The following CHST8 variants were observed in gnomAD, a reference collection of about 807,000 sequenced individuals.
CHST8 encodes the protein GALNAC-4-ST1.
A neutral mutation model predicts 15.0 loss-of-function variants in CHST8; 10 were observed. The ratio of observed to expected loss-of-function variants is 0.67; its 90% confidence interval spans 0.41 to 1.13. The LOEUF is 1.13. Ranked by LOEUF, CHST8 falls within the 50% of genes most tolerant of loss-of-function variation. The probability of loss-of-function intolerance (pLI) is 0.00; values close to 1 mark genes in which losing one functional copy is unlikely to be tolerated. For missense variants in CHST8, 634 were observed against 608.2 expected, an observed-to-expected ratio of 1.04 and a Z score of -0.45; for synonymous variants, 259 against 256.6, an observed-to-expected ratio of 1.01 and a Z score of -0.09.
intron 3 of CHST8, among the ~76,000 whole-genome samples, chr19:33,758,011 A>C (rs1974637569): frequency 6.6e-6 from 1 of 152,096 alleles, no homozygotes; most frequent in Non-Finnish European, 1.5e-5. Context: ...GACTGCAGCT[A>C]TCCAGACCCT....
intron 2 of CHST8, among the ~76,000 whole-genome samples, chr19:33,679,412 A>G (rs1972856418): frequency 6.6e-6 from 1 of 152,178 alleles, no homozygotes; most frequent in African/African-American, 2.4e-5. Context: ...GGGAACTTTT[A>G]ACCCAAATAA....
At chr19:33,693,012 T>C (rs372733781) in intron 3 of CHST8, among the ~76,000 whole-genome samples, 13 of 150,796 alleles carry the variant, frequency 8.6e-5, no homozygotes, top group East Asian at 5.8e-4. Flanking sequence ...TTCTTTCTTT[T>C]TTTTTTTTTT....
rs151033924 is a variant in CHST8, at chr19:33,722,840, T to C, written c.130+33449T>C. Among the ~76,000 whole-genome samples, 740 of 152,366 alleles carry C rather than the reference T, an allele frequency of 4.9e-3. 8 individuals carry two copies. The highest frequency in any genetic ancestry group is 0.017 in the African/African-American group (693 of 41,590). Reference sequence around the variant, plus strand: ...TTCTCCAGTTAGTCCTGGCTCAGCCTCTGCAGCTGCTGATATGAATACACT... The same window carrying C: ...TTCTCCAGTTAGTCCTGGCTCAGCCCCTGCAGCTGCTGATATGAATACACT... On this transcript the variant is annotated intron_variant, in intron 3 of 4. Coordinates refer to ENST00000650847, the MANE Select transcript of CHST8 (RefSeq NM_001127895.2).
At chr19:33,707,740 A>G (rs547348539) in intron 3 of CHST8, among the ~76,000 whole-genome samples, 60 of 152,270 alleles carry the variant, frequency 3.9e-4, no homozygotes, top group African/African-American at 1.3e-3. Flanking sequence ...TTTTATGCAA[A>G]CCTATGTTTT....
intron 2 of CHST8, among the ~76,000 whole-genome samples, chr19:33,681,689 C>T (rs1486186466): frequency 6.6e-6 from 1 of 152,134 alleles, no homozygotes; most frequent in East Asian, 1.9e-4. Flanking sequence ...AACTCATCTA[C>T]AGCAGGTATT....
intron 3 of CHST8, among the ~76,000 whole-genome samples, chr19:33,706,103 G>T (rs117612477): frequency 6.6e-6 from 1 of 152,158 alleles, no homozygotes; most frequent in African/African-American, 2.4e-5. Context: ...ACTAAAACCC[G>T]GTTCCTCAGA....
At chr19:33,710,139 C>CA (rs1429239714) in intron 3 of CHST8, among the ~76,000 whole-genome samples, 1 of 152,138 alleles carries the variant, frequency 6.6e-6, no homozygotes, top group Admixed American at 6.5e-5. Flanking sequence ...ATTTGTTTAG[C>CA]ATAACAGTGT....
At position 33,697,136 on chromosome 19, in the gene CHST8, C is replaced by G. The variant is rs367769279; in HGVS notation, c.130+7745C>G. Among the ~76,000 whole-genome samples, 1,134 of 152,152 alleles carry G rather than the reference C, an allele frequency of 7.5e-3. 22 individuals are homozygous for G. The highest frequency in any genetic ancestry group is 0.026 in the African/African-American group (1,073 of 41,512). On this transcript the variant is annotated intron_variant, in intron 3 of 4. Transcript: ENST00000650847. Reference sequence around the variant, plus strand: ...GGGATTACAGGCGGGAACCACCTTGCCCAGCCTGTGAGCCTTTTGAGAAAT... The same window carrying G: ...GGGATTACAGGCGGGAACCACCTTGGCCAGCCTGTGAGCCTTTTGAGAAAT...
chr19:33,674,461 C>A (rs1384385003), intron 2 of CHST8, among the ~76,000 whole-genome samples: 1 of 152,164 alleles, frequency 6.6e-6, no homozygotes, highest in African/African-American at 2.4e-5. Context: ...TTGCATATGG[C>A]TTTTACAAGT....
intron 2 of CHST8, among the ~76,000 whole-genome samples, chr19:33,670,763 G>A (rs1192337595): frequency 1.3e-5 from 2 of 152,202 alleles, no homozygotes; most frequent in African/African-American, 4.8e-5. Context: ...AATTGTCGGA[G>A]AGAGAGCATG....
chr19:33,692,110 G>A (rs1051727537), intron 3 of CHST8, among the ~76,000 whole-genome samples: 1 of 151,978 alleles, frequency 6.6e-6, no homozygotes, highest in Non-Finnish European at 1.5e-5. Context: ...GGAATTGTAG[G>A]GGGTTGCCAG....
chr19:33,757,390 GA>G lies in CHST8; in HGVS notation c.131-14020del, dbSNP rs1301176721. 4.2e-3 allele frequency among the ~76,000 whole-genome samples: 21 copies of G among 5,004 alleles called. 1 individual carries two copies. Among genetic ancestry groups the G allele is most frequent in the African/African-American group, 5.0e-3 (10 of 2,010 alleles). The allele number at this position is 5,004 out of a possible 152,430, so 3.3% of individuals were successfully genotyped here. A position where few individuals can be genotyped will look rare whatever the true frequency, so the allele number is the denominator to read the frequency against. ...GTGAGACGCGGTCTCAAAAAAAGAA[GA>G]AAGAAAGAAAGAAAGAAAGAAAGAA... is the stretch of plus-strand genomic sequence containing the variant. On this transcript the variant is annotated intron_variant, in intron 3 of 4. Transcript: ENST00000650847.
chr19:33,648,718 G>A (rs1972388850), intron 1 of CHST8, among the ~76,000 whole-genome samples: 1 of 152,092 alleles, frequency 6.6e-6, no homozygotes, highest in Non-Finnish European at 1.5e-5. Flanking sequence ...GTATACCCAA[G>A]AGAAATGAAA....
intron 2 of CHST8, among the ~76,000 whole-genome samples, chr19:33,678,060 G>A (rs1972833549): frequency 6.6e-6 from 1 of 152,112 alleles, no homozygotes; most frequent in South Asian, 2.1e-4. Context: ...ATGTTCAGAA[G>A]GCCAGATCTG....
At chr19:33,754,801 G>A (rs1974513158) in intron 3 of CHST8, among the ~76,000 whole-genome samples, 1 of 152,238 alleles carries the variant, frequency 6.6e-6, no homozygotes, top group African/African-American at 2.4e-5. Context: ...CCCAGGCTGG[G>A]GTCCATGCAA....
chr19:33,664,675 G>A (rs1280432755), intron 1 of CHST8, among the ~76,000 whole-genome samples: 1 of 151,874 alleles, frequency 6.6e-6, no homozygotes, highest in Non-Finnish European at 1.5e-5. Context: ...CCATTTTTAT[G>A]CATGTGCTTA....
intron 1 of CHST8, among the ~76,000 whole-genome samples, chr19:33,622,989 C>T (rs1016533680): frequency 6.6e-6 from 1 of 152,150 alleles, no homozygotes; most frequent in East Asian, 1.9e-4. Flanking sequence ...CGAGCTCTGA[C>T]GGCGGCTGCA....
At chr19:33,623,897 C>T (rs1972017821) in intron 1 of CHST8, among the ~76,000 whole-genome samples, 1 of 152,070 alleles carries the variant, frequency 6.6e-6, no homozygotes, top group African/African-American at 2.4e-5. Flanking sequence ...GTGAAGTGAC[C>T]CACGGGAGGA....
chr19:33,707,226 A>T (rs1453763968), intron 3 of CHST8, among the ~76,000 whole-genome samples: 1 of 152,014 alleles, frequency 6.6e-6, no homozygotes, highest in South Asian at 2.1e-4. Context: ...CTAACTTTCC[A>T]ATTTTTCTGT....
Sources: gnomAD v4.1 joint callset for allele counts (sites outside exome capture counted in the v4.1 genomes callset) on GRCh38, gnomAD v4.1.1 for gene constraint, MANE v1.5 for transcripts, NCBI Gene and HGNC (gene_info 2026-07-23, HGNC 2026-07-21) for gene names.